Variants in CBFA2T3 observed in about 807,000 individuals in gnomAD.
The protein encoded by CBFA2T3 is CBFA2/RUNX1 partner transcriptional co-repressor 3, also known as transcriptional corepressor CBFA2T3.
In CBFA2T3, 31 loss-of-function variants were observed where a neutral mutation model predicts 58.6. That is an observed-to-expected ratio of 0.53 (90% CI 0.40 to 0.71). CBFA2T3 has a LOEUF of 0.71. Among genes scored for constraint, CBFA2T3 ranks in the 30% least tolerant of loss-of-function variants. The probability of loss-of-function intolerance (pLI) is 0.00; values close to 1 mark genes in which losing one functional copy is unlikely to be tolerated. For synonymous variants in CBFA2T3, 531 were observed against 421.9 expected (o/e 1.26, Z -3.17); for missense variants, 1,076 against 963.1 (o/e 1.12, Z -1.55).
At chr16:88,923,866 G>A (rs542655326) in intron 1 of CBFA2T3, among the ~76,000 whole-genome samples, 111 of 152,320 alleles carry the variant, frequency 7.3e-4, no homozygotes, top group African/African-American at 2.3e-3. Context: ...AGGTGGGGCC[G>A]GGGGAGGAGC....
At chr16:88,974,382 C>T (rs568163789) in intron 1 of CBFA2T3, among the ~76,000 whole-genome samples, 1 of 152,110 alleles carries the variant, frequency 6.6e-6, no homozygotes, top group South Asian at 2.1e-4. Flanking sequence ...GGTGAAGGAG[C>T]CCAGGGAAGG....
chr16:88,956,230 A>C (rs574977314), intron 1 of CBFA2T3, among the ~76,000 whole-genome samples: 2 of 152,394 alleles, frequency 1.3e-5, no homozygotes, highest in Admixed American at 1.3e-4. Flanking sequence ...CAGGAAACTG[A>C]GTCAGAGCCT....
chr16:88,898,214 A>G (rs1474638108), intron 2 of CBFA2T3, 62 bp from the exon 3 acceptor site: 6 of 1,309,002 alleles, frequency 4.6e-6, no homozygotes, highest in African/African-American at 1.4e-5. Flanking sequence ...CTCTGCCCTC[A>G]GGGGCGCCCG....
intron 3 of CBFA2T3, among the ~76,000 whole-genome samples, chr16:88,892,860 T>C (rs1312370904): frequency 6.6e-6 from 1 of 152,204 alleles, no homozygotes; most frequent in East Asian, 1.9e-4. Context: ...TGAGTGTGGC[T>C]TCTCCTGCCT....
In CBFA2T3 at chr16:88,954,379, C is replaced by T. The variant is rs139909856; in HGVS notation, c.151+22278G>A. ...TGACCTCACCCAAGGCTCCTGACCC[C>T]ACCCAAGACTCCTGACCCTACCCAA... is the stretch of plus-strand genomic sequence containing the variant. On this transcript the variant is annotated intron_variant, in intron 1 of 11. Coordinates refer to ENST00000268679, the MANE Select transcript of CBFA2T3 (RefSeq NM_005187.6). Among the ~76,000 whole-genome samples, 1,331 of 138,894 alleles carry T rather than the reference C, an allele frequency of 9.6e-3. 17 individuals carry two copies. The highest frequency in any genetic ancestry group is 0.01 in the East Asian group (51 of 4,914). 91.1% of individuals were successfully genotyped at this position (138,894 alleles called of 152,430 possible). A position where few individuals can be genotyped will look rare whatever the true frequency, so the allele number is the denominator to read the frequency against.
At chr16:88,975,861 T>A (rs1413925205) in intron 1 of CBFA2T3, among the ~76,000 whole-genome samples, 1 of 152,152 alleles carries the variant, frequency 6.6e-6, no homozygotes, top group Admixed American at 6.5e-5. Context: ...GTGTCAGGGG[T>A]GCAGTCAGAC....
At chr16:88,925,129 G>A (rs931204989) in intron 1 of CBFA2T3, among the ~76,000 whole-genome samples, 2 of 152,226 alleles carry the variant, frequency 1.3e-5, no homozygotes, top group African/African-American at 2.4e-5. Context: ...CACCGAGCTC[G>A]CTGACCCTGG....
intron 1 of CBFA2T3, among the ~76,000 whole-genome samples, chr16:88,908,743 T>C (rs1382214528): frequency 2.6e-5 from 4 of 152,364 alleles, no homozygotes; most frequent in East Asian, 1.9e-4. Flanking sequence ...GCTTCCGCTG[T>C]AACCTTCTTT....
In CBFA2T3 at chr16:88,976,727, A is replaced by G. The variant is rs369382457; in HGVS notation, c.81T>C (p.Pro27=). ...ATGCCAGGAGGCCGCTCTCCAGCAC[A>G]GGGTGCGTCTGGGACATGGAGCCAC... is the stretch of plus-strand genomic sequence containing the variant. The part of the protein sequence containing the change: ...STCGSMSQTH[P]VLESGLLASA... The change falls in exon 1 of 12, where the codon CCT becomes CCC. Residue 27 remains proline, a synonymous_variant. Coordinates refer to ENST00000268679, the MANE Select transcript of CBFA2T3 (RefSeq NM_005187.6). 5.9e-4 allele frequency: 923 copies of G among 1,558,284 alleles called. 3 individuals carry two copies. Among genetic ancestry groups the G allele is most frequent in the Non-Finnish European group, 4.7e-4 (544 of 1,151,010 alleles).
intron 1 of CBFA2T3, among the ~76,000 whole-genome samples, chr16:88,921,676 A>G (rs1043590244): frequency 1.3e-5 from 2 of 152,144 alleles, no homozygotes; most frequent in Non-Finnish European, 2.9e-5. Flanking sequence ...TGGTAGGAGG[A>G]TAAGAGTCAC....
intron 1 of CBFA2T3, among the ~76,000 whole-genome samples, chr16:88,962,277 A>G (rs1389618375): frequency 6.6e-6 from 1 of 152,118 alleles, no homozygotes; most frequent in East Asian, 1.9e-4. Flanking sequence ...AGTAACTGAT[A>G]CTCAGCACTG....
chr16:88,903,069 A>T (rs1221158440), intron 1 of CBFA2T3, among the ~76,000 whole-genome samples: 1 of 152,144 alleles, frequency 6.6e-6, no homozygotes, highest in Non-Finnish European at 1.5e-5. Flanking sequence ...TTATTAGTCA[A>T]CTGTGGGCGC....
At chr16:88,905,856 G>C (rs1011983066) in intron 1 of CBFA2T3, among the ~76,000 whole-genome samples, 5 of 151,118 alleles carry the variant, frequency 3.3e-5, no homozygotes, top group Non-Finnish European at 7.4e-5. Context: ...CTGCAGACAT[G>C]GGGGGCTGGT....
chr16:88,909,544 A>ATGGAAGATGC (rs1970457736), intron 1 of CBFA2T3, among the ~76,000 whole-genome samples: 1 of 152,088 alleles, frequency 6.6e-6, no homozygotes, highest in South Asian at 2.1e-4. Flanking sequence ...GGCAGCTGGG[A>ATGGAAGATGC]CAGAAGACGC....
intron 1 of CBFA2T3, among the ~76,000 whole-genome samples, chr16:88,952,395 C>A (rs1972097053): frequency 6.6e-6 from 1 of 151,930 alleles, no homozygotes; most frequent in Non-Finnish European, 1.5e-5. Context: ...CTGCCGCCCT[C>A]CAATCCTTCT....
In CBFA2T3 at chr16:88,953,301, G is replaced by T. The variant is rs111728937; in HGVS notation, c.151+23356C>A. ...CTTCCAGGGCCTGCGGGGCTGACAG[G>T]CACACAGCCAGTGGTGAAGGTTCAC... On this transcript the variant is annotated intron_variant, in intron 1 of 11. Transcript: ENST00000268679. This position sits in a 1 kb window ranked among gnomAD's most constrained non-coding sequence, Gnocchi z 4.9. 0.017 allele frequency among the ~76,000 whole-genome samples: 2,609 copies of T among 152,320 alleles called. 47 individuals carry two copies. The highest frequency in any genetic ancestry group is 0.022 in the East Asian group (116 of 5,188).
At chr16:88,954,302 C>G (rs951670838) in intron 1 of CBFA2T3, among the ~76,000 whole-genome samples, 1 of 152,160 alleles carries the variant, frequency 6.6e-6, no homozygotes, top group Admixed American at 6.5e-5. Flanking sequence ...GTCTCCTGAC[C>G]CACCCAAGGG....
In CBFA2T3 at chr16:88,885,883, C is replaced by T; in HGVS notation, c.893+78G>A. ...TGGCTGCAGCCCCAGAGGAGGTTCC[C>T]TCTCTTACCCAGAGGGGAGCAGGGT... On this transcript the variant is annotated intron_variant, in intron 6 of 11. Transcript: ENST00000268679. The surrounding 1 kb of genome is among the most constrained non-coding windows in gnomAD (Gnocchi z 5.3). 1 of 1,330,940 alleles carries T rather than the reference C, an allele frequency of 7.5e-7. No individual in the cohort carries two copies. Among genetic ancestry groups the T allele is most frequent in the Non-Finnish European group, 1.0e-6 (1 of 968,918 alleles). 82.4% of individuals were successfully genotyped at this position (1,330,940 alleles called of 1,614,324 possible).
intron 1 of CBFA2T3, chr16:88,937,357 C>T (rs1292923401): frequency 6.6e-6 from 1 of 152,348 alleles, no homozygotes; most frequent in African/African-American, 2.4e-5. Flanking sequence ...TCTGAGCTGC[C>T]CTCAAGCGGC....
Sources: gnomAD v4.1 joint callset for allele counts (sites outside exome capture counted in the v4.1 genomes callset) on GRCh38, gnomAD v4.1.1 for gene constraint, Gnocchi (gnomAD v3.1) non-coding constraint, MANE v1.5 for transcripts, NCBI Gene and HGNC (gene_info 2026-07-23, HGNC 2026-07-21) for gene names.